OTOG: variants seen among roughly 807,000 people sequenced by gnomAD.
OTOG encodes the protein otogelin.
Under a neutral mutation model 313.8 loss-of-function variants are expected in OTOG, and 296 were observed. The observed-to-expected ratio is 0.94, with a 90% CI of 0.86 to 1.04. The LOEUF is 1.04. Ranked by LOEUF, OTOG falls within the 50% of genes least tolerant of loss-of-function variation. The pLI is 0.00. For missense variants in OTOG, 3,948 were observed against 3,840.1 expected, an observed-to-expected ratio of 1.03 and a Z score of -0.74; for synonymous variants, 1,533 against 1,554.9, an observed-to-expected ratio of 0.99 and a Z score of 0.33.
In OTOG at chr11:17,613,695, C is replaced by T. The variant is rs1221650598; in HGVS notation, c.6522C>T (p.Asn2174=). The stretch of plus-strand genomic sequence containing the variant: ...ATCAGGTCACTATTGATCGCTTCAA[C>T]CGAAAGGTGAGTGCATCAAACAGCC... ...LAHQVTIDRF[N]RKVTVDLQPV... The change falls in exon 39 of 56, where the codon AAC becomes AAT. Residue 2174 remains asparagine, a synonymous_variant. Transcript: ENST00000399397. 1.3e-6 allele frequency: 2 copies of T among 1,550,576 alleles called. No homozygotes were observed. The highest frequency in any genetic ancestry group is 8.7e-7 in the Non-Finnish European group (1 of 1,146,948).
chr11:17,593,886 T>C (rs1853021073), intron 27 of OTOG, 130 bp downstream of exon 27: 4 of 1,400,520 alleles, frequency 2.9e-6, no homozygotes, highest in Non-Finnish European at 3.9e-6. Flanking sequence ...CGCCCTGCTC[T>C]GGGCCCCTTC....
At chr11:17,564,354 A>G (rs1006642211) in intron 15 of OTOG, among the ~76,000 whole-genome samples, 1 of 152,240 alleles carries the variant, frequency 6.6e-6, no homozygotes, top group Non-Finnish European at 1.5e-5. Context: ...AAAAAGGATC[A>G]GGGAAAACCT....
intron 39 of OTOG, among the ~76,000 whole-genome samples, chr11:17,627,672 A>G (rs1257064052): frequency 6.7e-6 from 1 of 149,982 alleles, no homozygotes; most frequent in Non-Finnish European, 1.5e-5. Context: ...ACTCTTCTTC[A>G]AATGTTTGGT....
chr11:17,568,462 A>G (rs1360466551), intron 15 of OTOG, among the ~76,000 whole-genome samples: 1 of 152,224 alleles, frequency 6.6e-6, no homozygotes, highest in Non-Finnish European at 1.5e-5. Flanking sequence ...AGCACTGATC[A>G]CAATTATAAT....
chr11:17,605,783 G>C (rs116925571), intron 32 of OTOG, 74 bp from the exon 33 acceptor site: 1 of 1,446,364 alleles, frequency 6.9e-7, no homozygotes, highest in Non-Finnish European at 9.3e-7. Flanking sequence ...GAGAGCAGAT[G>C]TGTGCCAGGA....
In OTOG at chr11:17,628,398, A is replaced by T. The variant is rs75885372; in HGVS notation, c.6529-735A>T. Among the ~76,000 whole-genome samples the T allele has an allele frequency of 7.2e-3, 1,092 of 152,296 alleles. 35 individuals carry two copies. In the East Asian group the frequency reaches 0.1, roughly 14 times the overall value. On this transcript the variant is annotated intron_variant, in intron 39 of 55. Transcript: ENST00000399397. ...TTCATTATAAATACTTTAAAATCTTAATCTTTTTATATTCCATTTTTTTCA... is the reference window on the plus strand; with the variant it reads ...TTCATTATAAATACTTTAAAATCTTTATCTTTTTATATTCCATTTTTTTCA...
Position 17,592,345 on chromosome 11 carries a change from G to C in OTOG, c.3006+757G>C, listed in dbSNP as rs1038248504. On this transcript the variant is annotated intron_variant, in intron 25 of 55. Coordinates refer to ENST00000399397, the MANE Select transcript of OTOG (RefSeq NM_001292063.2). ...GAATCCTACCTATAGGGCAGGCACT[G>C]TACTGGGGTCTTTCACATAATTGCA... Among the ~76,000 whole-genome samples, 7 of 152,212 alleles carry C rather than the reference G, an allele frequency of 4.6e-5. No homozygotes were observed. In the South Asian group the frequency reaches 1.2e-3, roughly 27 times the overall value.
At chr11:17,569,061 C>G in intron 15 of OTOG, 95 bp from the exon 16 acceptor site, 1 of 1,398,032 alleles carries the variant, frequency 7.2e-7, no homozygotes, top group Non-Finnish European at 9.7e-7. Context: ...AACTGTCTCT[C>G]AAGCTGGGCT....
chr11:17,605,639 G>T (rs1171294209), intron 32 of OTOG, among the ~76,000 whole-genome samples: 3 of 152,104 alleles, frequency 2.0e-5, no homozygotes, highest in Non-Finnish European at 2.9e-5. Flanking sequence ...CAGCTGGGGG[G>T]TCTCTAAGCC....
Position 17,592,652 on chromosome 11 carries a change from C to T in OTOG, c.3007-541C>T, listed in dbSNP as rs908231610. 1.7e-4 allele frequency among the ~76,000 whole-genome samples: 26 copies of T among 152,172 alleles called. 1 individual carries two copies. The highest frequency in any genetic ancestry group is 2.1e-4 in the South Asian group (1 of 4,836). On this transcript the variant is annotated intron_variant, in intron 25 of 55. Coordinates refer to ENST00000399397, the MANE Select transcript of OTOG (RefSeq NM_001292063.2). ...GACTTGATTTCATATAGTTGGTACA[C>T]ACTTTTTTCTTTTGAACAGCTGTGT...
rs147625225 is a variant in OTOG, at chr11:17,558,957, A to G, written c.1104-95A>G. The G allele has an allele frequency of 8.5e-5, 84 of 984,924 alleles. No homozygotes were observed. In the African/African-American group the frequency reaches 1.3e-3, roughly 15 times the overall value. The allele number at this position is 984,924 out of a possible 1,614,324, so 61.0% of individuals were successfully genotyped here. A position where few individuals can be genotyped will look rare whatever the true frequency, so the allele number is the denominator to read the frequency against. ...CCTTTCCCAGCTGGGTGGAGAGGAG[A>G]GATGCCCTGAAGCCCTGGCAGTGTC... On this transcript the variant is annotated intron_variant, in intron 10 of 55. Transcript: ENST00000399397.
At chr11:17,571,857 G>A (rs543332537) in intron 17 of OTOG, among the ~76,000 whole-genome samples, 9 of 152,262 alleles carry the variant, frequency 5.9e-5, no homozygotes, top group Admixed American at 6.5e-5. Flanking sequence ...CTATATGCAT[G>A]TCTGGCATAT....
Position 17,621,993 on chromosome 11 carries a change from A to C in OTOG, c.6529-7140A>C, listed in dbSNP as rs140618220. On this transcript the variant is annotated intron_variant, in intron 39 of 55. Coordinates refer to ENST00000399397, the MANE Select transcript of OTOG (RefSeq NM_001292063.2). ...TCCTTGCATGGAGTCCTATGAATGC[A>C]GGCGAGGCTCCTCTCTGGGCTTCAG... 6.5e-3 allele frequency among the ~76,000 whole-genome samples: 988 copies of C among 152,290 alleles called. 8 individuals are homozygous for C. Among genetic ancestry groups the C allele is most frequent in the Non-Finnish European group, 7.7e-3 (526 of 68,024 alleles).
At position 17,547,425 on chromosome 11, in the gene OTOG, G is replaced by T; in HGVS notation, c.53G>T (p.Trp18Leu). 7.1e-7 allele frequency: 1 copy of T among 1,408,542 alleles called. No individual in the cohort carries two copies. The highest frequency in any genetic ancestry group is 1.6e-5 in the South Asian group (1 of 63,796). 87.3% of individuals were successfully genotyped at this position (1,408,542 alleles called of 1,614,324 possible). Residue 18 changes from tryptophan (W) to leucine (L), a missense_variant, in exon 1 of 56, where the codon TGG becomes TTG. By Grantham distance (61) the Trp-to-Leu change is moderately conservative (BLOSUM62 -2). Coordinates refer to ENST00000399397, the MANE Select transcript of OTOG (RefSeq NM_001292063.2). Reference sequence around the variant, plus strand: ...TGGCTGCTTTGTGTCTGGCTGCCCTGGGGTGAGCAGGCAGCCGAGTCCCTG... The same window carrying T: ...TGGCTGCTTTGTGTCTGGCTGCCCTTGGGTGAGCAGGCAGCCGAGTCCCTG... ...LCWLLCVWLP[W>L]GEQAAESLRV...
intron 12 of OTOG, among the ~76,000 whole-genome samples, chr11:17,559,889 A>AGAGG (rs1393374996): frequency 1.7e-5 from 2 of 115,462 alleles, no homozygotes; most frequent in East Asian, 2.6e-4. Context: ...AGGAAGGGAG[A>AGAGG]GAGGGAGGGA....
chr11:17,578,787 A>G (rs968898465), intron 23 of OTOG, among the ~76,000 whole-genome samples: 1 of 151,518 alleles, frequency 6.6e-6, no homozygotes, highest in Non-Finnish European at 1.5e-5. Context: ...TACCACCTTA[A>G]CAGGCTACTG....
At chr11:17,639,511 CT>C in intron 49 of OTOG, 48 bp downstream of exon 49, 1 of 1,531,070 alleles carries the variant, frequency 6.5e-7, no homozygotes, top group Non-Finnish European at 8.9e-7. Context: ...CTCCCCTTTC[CT>C]TTCCTCTCTA....
Position 17,547,502 on chromosome 11 carries a change from C to G in OTOG, c.94+36C>G, listed in dbSNP as rs1216368455. 1 of 1,319,372 alleles carries G rather than the reference C, an allele frequency of 7.6e-7. No individual in the cohort carries two copies. 81.7% of individuals were successfully genotyped at this position (1,319,372 alleles called of 1,614,324 possible). A position where few individuals can be genotyped will look rare whatever the true frequency, so the allele number is the denominator to read the frequency against. ...TGTGGACTCAGGGAGGTCGGGGGCTCGAGGAATGAGAAACGTTAAAGGAAT... is the reference window on the plus strand; with the variant it reads ...TGTGGACTCAGGGAGGTCGGGGGCTGGAGGAATGAGAAACGTTAAAGGAAT... On this transcript the variant is annotated intron_variant, in intron 1 of 55. Coordinates refer to ENST00000399397, the MANE Select transcript of OTOG (RefSeq NM_001292063.2).
rs191662816 is a variant in OTOG, at chr11:17,645,578, C to A, written c.8476C>A (p.Arg2826Ser). ...GCCRTCKEDG[R>S]SCKKVTIRMT... Reference sequence around the variant, plus strand: ...TGTCCCCCCAGGTAAGGAGGATGGGCGCTCCTGCAAGAAGGTGACCATCCG... The same window carrying A: ...TGTCCCCCCAGGTAAGGAGGATGGGAGCTCCTGCAAGAAGGTGACCATCCG... Residue 2826 changes from arginine (R) to serine (S), a missense_variant, in exon 55 of 56, where the codon CGC becomes AGC. Arg to Ser is a moderately radical substitution (Grantham distance 110). Transcript: ENST00000399397. The A allele has an allele frequency of 3.2e-6, 5 of 1,550,588 alleles. No individual in the cohort carries two copies. The South Asian group carries it at 5.9e-5, about 18-fold the overall frequency.
Sources: gnomAD v4.1 joint callset for allele counts (sites outside exome capture counted in the v4.1 genomes callset) on GRCh38, gnomAD v4.1.1 for gene constraint, MANE v1.5 for transcripts, NCBI Gene and HGNC (gene_info 2026-07-23, HGNC 2026-07-21) for gene names.